The following RIN3 variants were observed in gnomAD, a reference collection of about 807,000 sequenced individuals.
RIN3 encodes the protein RAB5 interacting protein 3.
RIN3 carries 54 observed loss-of-function variants against 76.3 expected under a neutral mutation model. The ratio of observed to expected loss-of-function variants is 0.71; its 90% CI spans 0.57 to 0.89. The LOEUF (loss-of-function observed/expected upper bound fraction) is 0.89. Ranked by LOEUF, RIN3 falls within the 40% of genes least tolerant of loss-of-function variation. RIN3 has a pLI of 0.00. For synonymous variants in RIN3, 576 were observed against 564.0 expected (o/e 1.02, Z -0.30); for missense variants, 1,256 against 1,322.1 (o/e 0.95, Z 0.78).
intron 7 of RIN3, among the ~76,000 whole-genome samples, chr14:92,671,479 A>G (rs1321037631): frequency 6.6e-6 from 1 of 152,214 alleles, no homozygotes; most frequent in African/African-American, 2.4e-5. Flanking sequence ...AGTAAGCACC[A>G]GTAACCCTGG....
chr14:92,632,335 G>A (rs1403970589), intron 4 of RIN3, among the ~76,000 whole-genome samples: 1 of 152,116 alleles, frequency 6.6e-6, no homozygotes, highest in Non-Finnish European at 1.5e-5. Context: ...TGTGTGGAGT[G>A]AGCCTTTGGG....
intron 3 of RIN3, among the ~76,000 whole-genome samples, chr14:92,580,203 C>G (rs1045761243): frequency 6.6e-6 from 1 of 152,158 alleles, no homozygotes; most frequent in Non-Finnish European, 1.5e-5. Context: ...ACCCTGTCTC[C>G]ACTAAAAATA....
At chr14:92,586,157 G>T (rs560648081) in intron 3 of RIN3, among the ~76,000 whole-genome samples, 2 of 152,208 alleles carry the variant, frequency 1.3e-5, no homozygotes, top group African/African-American at 4.8e-5. Flanking sequence ...GCTTGGGACC[G>T]TGTTGCCTGG....
At chr14:92,532,522 G>A (rs1896908484) in intron 1 of RIN3, among the ~76,000 whole-genome samples, 1 of 152,176 alleles carries the variant, frequency 6.6e-6, no homozygotes, top group African/African-American at 2.4e-5. Flanking sequence ...CAGGCTCCTT[G>A]TCTCCCCTTC....
intron 7 of RIN3, among the ~76,000 whole-genome samples, chr14:92,672,226 C>T (rs1888309513): frequency 6.6e-6 from 1 of 151,692 alleles, no homozygotes; most frequent in African/African-American, 2.4e-5. Flanking sequence ...TCCGACATGG[C>T]AAAATCCCAT....
chr14:92,529,644 C>T (rs1366503128), intron 1 of RIN3, among the ~76,000 whole-genome samples: 3 of 152,168 alleles, frequency 2.0e-5, no homozygotes, highest in Admixed American at 1.3e-4. Context: ...TTGAACAGGG[C>T]GACACTCTGT....
At chr14:92,649,880 G>T (rs896160356) in intron 5 of RIN3, among the ~76,000 whole-genome samples, 1 of 152,176 alleles carries the variant, frequency 6.6e-6, no homozygotes, top group Non-Finnish European at 1.5e-5. Context: ...AGGGCTGGGG[G>T]GTGCACCTCA....
intron 1 of RIN3, among the ~76,000 whole-genome samples, chr14:92,535,841 C>CTTT (rs35296189): frequency 0.042 from 6,193 of 146,504 alleles, 421 homozygotes; most frequent in African/African-American, 0.14. Flanking sequence ...CGCCTGGCTA[C>CTTT]TTTTTTTTTT....
At chr14:92,579,506 A>G (rs1038314674) in intron 3 of RIN3, among the ~76,000 whole-genome samples, 1 of 152,244 alleles carries the variant, frequency 6.6e-6, no homozygotes, top group African/African-American at 2.4e-5. Context: ...TTCAATGGCT[A>G]TGTGTATACA....
At chr14:92,610,334 C>T (rs182756014) in intron 3 of RIN3, among the ~76,000 whole-genome samples, 2 of 152,290 alleles carry the variant, frequency 1.3e-5, no homozygotes, top group African/African-American at 4.8e-5. Flanking sequence ...CCTATCTCCC[C>T]CTACCCCCAG....
intron 3 of RIN3, among the ~76,000 whole-genome samples, chr14:92,594,639 C>T (rs1201273709): frequency 6.6e-6 from 1 of 152,138 alleles, no homozygotes; most frequent in Non-Finnish European, 1.5e-5. Context: ...ACACAACTTA[C>T]CGAGCTTTGT....
intron 3 of RIN3, among the ~76,000 whole-genome samples, chr14:92,584,238 C>T (rs1487012152): frequency 6.6e-6 from 1 of 152,226 alleles, no homozygotes; most frequent in Non-Finnish European, 1.5e-5. Flanking sequence ...CCATCTGAGG[C>T]TCTTTGCAAC....
intron 7 of RIN3, among the ~76,000 whole-genome samples, chr14:92,671,428 TG>T (rs1472941970): frequency 6.6e-6 from 1 of 151,916 alleles, no homozygotes; most frequent in African/African-American, 2.4e-5. Context: ...GGGAGGGTGA[TG>T]GAGGCAGAAT....
At chr14:92,546,019 G>A (rs1360589852) in intron 1 of RIN3, among the ~76,000 whole-genome samples, 11 of 151,612 alleles carry the variant, frequency 7.3e-5, no homozygotes, top group African/African-American at 1.9e-4. Flanking sequence ...TCTGCTTCCC[G>A]GGTTTAAGCG....
intron 4 of RIN3, among the ~76,000 whole-genome samples, chr14:92,618,743 C>G (rs1323398816): frequency 1.3e-5 from 2 of 152,148 alleles, no homozygotes; most frequent in Non-Finnish European, 2.9e-5. Flanking sequence ...AATATGGGAT[C>G]AAACATTGGT....
chr14:92,652,401 G>C lies in RIN3; in HGVS notation c.1352G>C (p.Arg451Thr), dbSNP rs1463035833. The change falls in exon 6 of 10, where the codon AGG becomes ACG. Residue 451 changes from arginine (R) to threonine (T), a missense_variant. Arg to Thr is a moderately conservative substitution (Grantham distance 71). This residue lies in a region of RIN3 where 610 missense variants were observed against 626.4 expected (regional missense o/e 0.97). Coordinates refer to ENST00000216487, the MANE Select transcript of RIN3 (RefSeq NM_024832.5). The surrounding 1 kb of genome is among the most constrained non-coding windows in gnomAD (Gnocchi z 6.4). Reference protein sequence around the residue: ...SDPHSMPELPRTAKQPPVPPP... With the variant: ...SDPHSMPELPTTAKQPPVPPP... ...CCTCACAGCATGCCAGAGCTGCCCAGGACAGCCAAACAACCCCCAGTCCCG... is the reference window on the plus strand; with the variant it reads ...CCTCACAGCATGCCAGAGCTGCCCACGACAGCCAAACAACCCCCAGTCCCG... 6.2e-7 allele frequency: 1 copy of C among 1,612,990 alleles called. No individual in the cohort carries two copies.
chr14:92,589,227 T>G (rs748086494), intron 3 of RIN3, among the ~76,000 whole-genome samples: 1 of 152,094 alleles, frequency 6.6e-6, no homozygotes, highest in African/African-American at 2.4e-5. Flanking sequence ...TCCTCTCTTT[T>G]GCATGTATTG....
At chr14:92,658,557 C>G (rs1476562652) in intron 6 of RIN3, among the ~76,000 whole-genome samples, 1 of 152,186 alleles carries the variant, frequency 6.6e-6, no homozygotes, top group African/African-American at 2.4e-5. Flanking sequence ...CAGGACAACA[C>G]CAGCTGCTGT....
intron 3 of RIN3, among the ~76,000 whole-genome samples, chr14:92,613,800 A>G (rs1885842488): frequency 6.6e-6 from 1 of 152,182 alleles, no homozygotes; most frequent in Admixed American, 6.5e-5. Context: ...TCTCCATCAC[A>G]TGGAAACTAG....
Sources: gnomAD v4.1 joint callset for allele counts (sites outside exome capture counted in the v4.1 genomes callset) on GRCh38, gnomAD v4.1.1 for gene constraint, gnomAD v4.1.1 regional missense constraint, Gnocchi (gnomAD v3.1) non-coding constraint, MANE v1.5 for transcripts, NCBI Gene and HGNC (gene_info 2026-07-23, HGNC 2026-07-21) for gene names.